STAU1: variants seen among roughly 807,000 people sequenced by gnomAD.
STAU1 encodes the protein double-stranded RNA-binding protein Staufen homolog 1.
In STAU1, 13 loss-of-function variants were observed where a neutral mutation model predicts 62.9. The observed-to-expected ratio is 0.21, with a 90% CI of 0.13 to 0.33. STAU1 has a LOEUF of 0.33. Ranked by LOEUF, STAU1 falls within the 10% of genes least tolerant of loss-of-function variation. The pLI, the probability that STAU1 is intolerant of heterozygous loss-of-function variation, is 1.00. For synonymous variants in STAU1, 269 were observed against 265.1 expected (o/e 1.01, Z -0.14); for missense variants, 571 against 712.1 (o/e 0.80, Z 2.25).
intron 3 of STAU1, chr20:49,158,534 G>A (rs2093399479): frequency 1.5e-6 from 2 of 1,296,024 alleles, no homozygotes; most frequent in South Asian, 1.2e-5. Flanking sequence ...TATTGGCCAG[G>A]TGCAGTGGCT....
At chr20:49,136,615 G>C (rs1326152237) in intron 5 of STAU1, among the ~76,000 whole-genome samples, 1 of 152,166 alleles carries the variant, frequency 6.6e-6, no homozygotes, top group Non-Finnish European at 1.5e-5. Context: ...TCAAAATACA[G>C]ACAGATATAT....
chr20:49,133,515 T>C (rs1048599176), intron 6 of STAU1, among the ~76,000 whole-genome samples: 1 of 152,110 alleles, frequency 6.6e-6, no homozygotes, highest in Non-Finnish European at 1.5e-5. Flanking sequence ...GGGGGAGACC[T>C]CATGACTCCT....
intron 3 of STAU1, chr20:49,158,635 C>A: frequency 1.6e-6 from 1 of 624,130 alleles, no homozygotes; most frequent in Non-Finnish European, 2.4e-6. Flanking sequence ...CATAGTGAAA[C>A]CCCATCTCTA....
chr20:49,155,875 T>G (rs1465716450), intron 3 of STAU1, among the ~76,000 whole-genome samples: 1 of 152,232 alleles, frequency 6.6e-6, no homozygotes, highest in Non-Finnish European at 1.5e-5. Context: ...AAGATGTGAC[T>G]GGTAACTTCC....
At chr20:49,193,898 G>A in the STAU1 span, among the ~76,000 whole-genome samples, 1 of 151,938 alleles carries the variant, frequency 6.6e-6, no homozygotes, top group Non-Finnish European at 1.5e-5. Context: ...GAACCCGGGA[G>A]GCGGAGCTTG....
chr20:49,141,715 C>G (rs1433939190), intron 5 of STAU1, among the ~76,000 whole-genome samples: 1 of 150,604 alleles, frequency 6.6e-6, no homozygotes, highest in African/African-American at 2.4e-5. Flanking sequence ...GCCAACATGA[C>G]GAAACCCCAT....
intron 3 of STAU1, among the ~76,000 whole-genome samples, chr20:49,160,945 C>T (rs1163975870): frequency 1.3e-5 from 2 of 152,176 alleles, no homozygotes; most frequent in East Asian, 3.8e-4. Flanking sequence ...AGCTGGAAAA[C>T]TTACGGGCAA....
intron 6 of STAU1, among the ~76,000 whole-genome samples, chr20:49,128,421 T>C (rs1306843909): frequency 6.6e-6 from 1 of 152,112 alleles, no homozygotes; most frequent in Non-Finnish European, 1.5e-5. Flanking sequence ...GGAACAAGCA[T>C]GCTAGCACCC....
At chr20:49,157,190 CCAATTA>C (rs1349328035) in intron 3 of STAU1, among the ~76,000 whole-genome samples, 1 of 152,048 alleles carries the variant, frequency 6.6e-6, no homozygotes, top group East Asian at 1.9e-4. Flanking sequence ...AAATTCTCTT[CCAATTA>C]CTTCTCATGA....
chr20:49,125,198 C>CAAAAAAAAAAAAAAA (rs1171534142), intron 6 of STAU1, among the ~76,000 whole-genome samples: 13 of 33,736 alleles, frequency 3.9e-4, no homozygotes, highest in East Asian at 1.4e-3. Context: ...CTCATTTTTG[C>CAAAAAAAAAAAAAAA]AAAAAAAAAA....
upstream of STAU1, among the ~76,000 whole-genome samples, chr20:49,190,183 G>A (rs1231679046): frequency 6.6e-6 from 1 of 152,226 alleles, no homozygotes; most frequent in Non-Finnish European, 1.5e-5. Flanking sequence ...CGCACAATCA[G>A]ACAATCTCGT....
intron 7 of STAU1, 30 bp from the exon 8 acceptor site, chr20:49,123,265 A>T (rs2092510156): frequency 1.2e-6 from 2 of 1,614,008 alleles, no homozygotes; most frequent in Admixed American, 3.3e-5. Flanking sequence ...GAAACTCTGT[A>T]ATGTTATTCA....
the STAU1 span, among the ~76,000 whole-genome samples, chr20:49,200,918 A>C: frequency 6.6e-6 from 1 of 151,476 alleles, no homozygotes; most frequent in Non-Finnish European, 1.5e-5. Context: ...GCACGCCTGT[A>C]GTCTCAGCTG....
the STAU1 span, among the ~76,000 whole-genome samples, chr20:49,216,005 C>T: frequency 1.2e-4 from 2 of 16,642 alleles, no homozygotes; most frequent in Admixed American, 2.0e-3. Flanking sequence ...AAGACTATGT[C>T]TCAAAAAAAA....
chr20:49,176,855 T>C (rs2093665574), intron 1 of STAU1, among the ~76,000 whole-genome samples: 1 of 151,898 alleles, frequency 6.6e-6, no homozygotes, highest in Non-Finnish European at 1.5e-5. Flanking sequence ...TTTGGGTGTC[T>C]AGTTTTTGTT....
chr20:49,176,804 C>T (rs369109012), intron 1 of STAU1, among the ~76,000 whole-genome samples: 1 of 152,110 alleles, frequency 6.6e-6, no homozygotes, highest in Non-Finnish European at 1.5e-5. Flanking sequence ...AGGGGCCTCA[C>T]CTGAGCCAAG....
intron 5 of STAU1, among the ~76,000 whole-genome samples, chr20:49,151,282 C>T (rs570278484): frequency 2.6e-5 from 4 of 152,312 alleles, no homozygotes; most frequent in Middle Eastern, 3.4e-3. Flanking sequence ...TTCATCCATA[C>T]ATGTTCTTCA....
intron 3 of STAU1, among the ~76,000 whole-genome samples, chr20:49,165,019 C>T (rs1050318754): frequency 2.0e-5 from 3 of 151,952 alleles, no homozygotes; most frequent in Non-Finnish European, 4.4e-5. Context: ...AAGAGCTCTT[C>T]GTCAGTTGTG....
chr20:49,177,435 T>C (rs1328911424), intron 1 of STAU1, among the ~76,000 whole-genome samples: 3 of 152,038 alleles, frequency 2.0e-5, no homozygotes, highest in Non-Finnish European at 2.9e-5. Context: ...TCCCAGCACT[T>C]TGGGAGGCCG....
Sources: allele counts gnomAD v4.1 joint callset (sites outside exome capture counted in the v4.1 genomes callset), GRCh38; gene constraint gnomAD v4.1.1; transcripts MANE v1.5; gene names NCBI Gene and HGNC (gene_info 2026-07-23, HGNC 2026-07-21).